The following TAF1A variants were observed in gnomAD, a reference collection of about 807,000 sequenced individuals.
The protein encoded by TAF1A is TATA box-binding protein-associated factor RNA polymerase I subunit A.
A neutral mutation model predicts 61.6 loss-of-function variants in TAF1A; 42 were observed. The ratio of observed to expected loss-of-function variants is 0.68; its 90% confidence interval spans 0.53 to 0.88. The LOEUF (loss-of-function observed/expected upper bound fraction) is 0.88. Among genes scored for constraint, TAF1A ranks in the 40% least tolerant of loss-of-function variants. TAF1A has a pLI of 0.00. For missense variants in TAF1A, 424 were observed against 518.7 expected (o/e 0.82, Z 1.77); for synonymous variants, 179 against 177.7 (o/e 1.01, Z -0.06).
In TAF1A at chr1:222,569,539, G is replaced by C; in HGVS notation, c.865C>G (p.Pro289Ala). ...LYNFLKRQKAPRSKLISVLKI... is the reference protein window; with the variant it reads ...LYNFLKRQKAARSKLISVLKI... ...AGCACACTTATCAATTTTGATCTTG[G>C]TGCCTTCTGTCTCTTTAGAAAGTTG... is the stretch of plus-strand genomic sequence containing the variant. The change falls in exon 7 of 11, where the codon CCA (proline) becomes GCA (alanine). Residue 289 changes from proline (P) to alanine (A), a missense_variant. Pro to Ala is a conservative substitution (Grantham distance 27, BLOSUM62 -1). Transcript: ENST00000352967. 6.2e-7 allele frequency: 1 copy of C among 1,613,854 alleles called. No individual in the cohort carries two copies.
At chr1:222,573,261 C>G (rs973643880) in intron 5 of TAF1A, among the ~76,000 whole-genome samples, 1 of 152,110 alleles carries the variant, frequency 6.6e-6, no homozygotes, top group African/African-American at 2.4e-5. Context: ...CAGAGTGAGA[C>G]TCCGTCTCAA....
intron 2 of TAF1A, among the ~76,000 whole-genome samples, chr1:222,585,219 T>A (rs1334373511): frequency 6.6e-6 from 1 of 152,154 alleles, no homozygotes. Context: ...TTTTTTACAA[T>A]AAATCATTAT....
chr1:222,583,321 TAG>T (rs1660868861), intron 3 of TAF1A, among the ~76,000 whole-genome samples: 1 of 151,998 alleles, frequency 6.6e-6, no homozygotes, highest in South Asian at 2.1e-4. Context: ...GTTCTAAATT[TAG>T]AGTGTGGTAA....
At chr1:222,570,941 T>C (rs562505133) in intron 5 of TAF1A, among the ~76,000 whole-genome samples, 1 of 152,268 alleles carries the variant, frequency 6.6e-6, no homozygotes, top group East Asian at 1.9e-4. Flanking sequence ...CTTAAGAATA[T>C]AGCTGCAAAA....
intron 2 of TAF1A, among the ~76,000 whole-genome samples, chr1:222,586,231 A>G (rs566634430): frequency 6.6e-6 from 1 of 152,314 alleles, no homozygotes; most frequent in South Asian, 2.1e-4. Context: ...TAAGATCTAC[A>G]CCAAAGCTGC....
intron 7 of TAF1A, among the ~76,000 whole-genome samples, chr1:222,566,235 GACATTAGGGAAATGC>G (rs1660112483): frequency 6.6e-6 from 1 of 152,090 alleles, no homozygotes; most frequent in South Asian, 2.1e-4. Flanking sequence ...CACATCACTA[GACATTAGGGAAATGC>G]AAACCAAAAC....
chr1:222,582,067 C>CA (rs1262167703), intron 3 of TAF1A, among the ~76,000 whole-genome samples: 6 of 152,082 alleles, frequency 3.9e-5, no homozygotes, highest in Admixed American at 3.9e-4. Context: ...GTGCATGAAA[C>CA]AAAATTTGTA....
At chr1:222,586,945 A>G (rs1251911205) in intron 2 of TAF1A, among the ~76,000 whole-genome samples, 2 of 152,276 alleles carry the variant, frequency 1.3e-5, no homozygotes, top group Non-Finnish European at 2.9e-5. Flanking sequence ...CATGACATAT[A>G]AAATATTCCT....
chr1:222,577,480 G>T lies in TAF1A; in HGVS notation c.569C>A (p.Thr190Asn). 4 of 1,613,776 alleles carry T rather than the reference G, an allele frequency of 2.5e-6. No individual in the cohort carries two copies. Among genetic ancestry groups the T allele is most frequent in the Non-Finnish European group, 3.4e-6 (4 of 1,179,872 alleles). The change falls in exon 5 of 11, where the codon ACC (threonine) becomes AAC (asparagine). Residue 190 changes from threonine (T) to asparagine (N), a missense_variant. By Grantham distance (65) the Thr-to-Asn change is moderately conservative. Transcript: ENST00000352967. ...QAYKGLLQYY[T>N]WSEKKMELSK... Reference sequence around the variant, plus strand: ...CAATTCCATCTTCTTTTCAGACCAGGTATAATACTGTAAAAGCCCTTTATA... The same window carrying T: ...CAATTCCATCTTCTTTTCAGACCAGTTATAATACTGTAAAAGCCCTTTATA...
At chr1:222,580,020 T>C (rs971300687) in intron 3 of TAF1A, 148 bp from the exon 4 acceptor site, 1 of 893,238 alleles carries the variant, frequency 1.1e-6, no homozygotes, top group Non-Finnish European at 1.6e-6. Flanking sequence ...TACTTTGCCA[T>C]GTAAAATTAA....
intron 5 of TAF1A, among the ~76,000 whole-genome samples, chr1:222,573,919 G>GA (rs1451639386): frequency 1.3e-5 from 2 of 151,836 alleles, no homozygotes; most frequent in East Asian, 3.9e-4. Context: ...TTCAGTAATA[G>GA]AAATGAAGTA....
intron 7 of TAF1A, 101 bp downstream of exon 7, chr1:222,569,409 A>G (rs1322611455): frequency 6.2e-7 from 1 of 1,604,538 alleles, no homozygotes; most frequent in African/African-American, 1.3e-5. Flanking sequence ...TACATTATTG[A>G]AATTTTCTGT....
At chr1:222,562,470 C>A (rs775104448) in intron 9 of TAF1A, among the ~76,000 whole-genome samples, 11 of 152,064 alleles carry the variant, frequency 7.2e-5, no homozygotes, top group Admixed American at 5.9e-4. Context: ...ACATATGACA[C>A]CAAAACCATT....
At chr1:222,584,922 C>T (rs984993921) in intron 2 of TAF1A, among the ~76,000 whole-genome samples, 3 of 152,166 alleles carry the variant, frequency 2.0e-5, no homozygotes, top group Non-Finnish European at 4.4e-5. Flanking sequence ...CCCCTCTAGT[C>T]CAGCTGGGTA....
At chr1:222,561,642 A>G (rs1659921482) in intron 9 of TAF1A, 124 bp from the exon 10 acceptor site, 5 of 977,548 alleles carry the variant, frequency 5.1e-6, no homozygotes, top group South Asian at 2.0e-5. Flanking sequence ...TAAATTCTCA[A>G]TATGGCCAAG....
intron 1 of TAF1A, 75 bp from the exon 2 acceptor site, chr1:222,588,640 C>A: frequency 6.8e-7 from 1 of 1,462,542 alleles, no homozygotes; most frequent in Non-Finnish European, 9.2e-7. Context: ...AGAAAAACGG[C>A]TATCTTTTTA....
chr1:222,569,760 T>C, intron 6 of TAF1A, 92 bp from the exon 7 acceptor site: 1 of 1,221,556 alleles, frequency 8.2e-7, no homozygotes, highest in Non-Finnish European at 1.1e-6. Flanking sequence ...ATGGGTATTT[T>C]TTAAAAATCA....
intron 10 of TAF1A, among the ~76,000 whole-genome samples, chr1:222,561,117 T>C (rs542489066): frequency 1.3e-5 from 2 of 152,290 alleles, no homozygotes; most frequent in African/African-American, 2.4e-5. Flanking sequence ...CTGTATCATG[T>C]ATCTTAATGG....
intron 3 of TAF1A, among the ~76,000 whole-genome samples, chr1:222,583,596 T>G (rs1660884303): frequency 6.6e-6 from 1 of 152,038 alleles, no homozygotes; most frequent in African/African-American, 2.4e-5. Flanking sequence ...TCCCAGCACT[T>G]TGGGAGGCCG....
Sources: allele counts gnomAD v4.1 joint callset (sites outside exome capture counted in the v4.1 genomes callset), GRCh38; gene constraint gnomAD v4.1.1; transcripts MANE v1.5; gene names NCBI Gene and HGNC (gene_info 2026-07-23, HGNC 2026-07-21).